Variants in IFNAR2 observed in about 807,000 individuals in gnomAD.
IFNAR2 encodes the protein interferon alpha and beta receptor subunit 2, also known as interferon alpha/beta receptor 2.
IFNAR2 carries 30 observed loss-of-function variants against 49.4 expected under a neutral mutation model. The ratio of observed to expected loss-of-function variants is 0.61; its 90% CI spans 0.45 to 0.82. The LOEUF (loss-of-function observed/expected upper bound fraction) is 0.82, where lower values mean the gene tolerates loss of function less well. Ranked by LOEUF, IFNAR2 falls within the 40% of genes least tolerant of loss-of-function variation. The pLI is 0.00. For missense variants in IFNAR2, 600 were observed against 622.7 expected, an observed-to-expected ratio of 0.96 and a Z score of 0.39; for synonymous variants, 224 against 234.5, an observed-to-expected ratio of 0.96 and a Z score of 0.41.
Position 33,252,681 on chromosome 21 carries a change from G to C in IFNAR2, c.560G>C (p.Gly187Ala). Reference protein sequence around the residue: ...IVKKHKPEIKGNMSGNFTYII... With the variant: ...IVKKHKPEIKANMSGNFTYII... ...TTACAGCATAAACCCGAAATAAAAG[G>C]AAACATGAGTGGAAATTTCACCTAT... Residue 187 changes from glycine (G) to alanine (A), a missense_variant, in exon 7 of 9, where the codon GGA becomes GCA. Physicochemically the swap from Gly to Ala is moderately conservative, Grantham distance 60. Coordinates refer to ENST00000342136, the MANE Select transcript of IFNAR2 (RefSeq NM_001289125.3). The C allele has an allele frequency of 6.2e-7, 1 of 1,613,276 alleles. No individual in the cohort carries two copies. Among genetic ancestry groups the C allele is most frequent in the Non-Finnish European group, 8.5e-7 (1 of 1,179,746 alleles).
chr21:33,236,421 A>G (rs1226337732), intron 1 of IFNAR2, among the ~76,000 whole-genome samples: 1 of 152,142 alleles, frequency 6.6e-6, no homozygotes, highest in Non-Finnish European at 1.5e-5. Context: ...GGCCACGTCC[A>G]AGGGTCTTTA....
chr21:33,255,597 A>AG (rs11400322), intron 7 of IFNAR2, among the ~76,000 whole-genome samples: 152,315 of 152,342 alleles, frequency 1, 76,144 homozygotes, highest in Middle Eastern at 1. Flanking sequence ...CTGGGGAGTC[A>AG]GGTGTACCAC....
chr21:33,242,475 G>C lies in IFNAR2; in HGVS notation c.55+498G>C, dbSNP rs567931350. ...TGTCCGGGCGCGGTGGCTCGCGCCT[G>C]TAATCCCTGCACTTTGGGAGGCCGA... On this transcript the variant is annotated intron_variant, in intron 2 of 8. Transcript: ENST00000342136. Among the ~76,000 whole-genome samples the C allele has an allele frequency of 1.2e-3, 188 of 152,154 alleles. 2 individuals are homozygous for C. Among genetic ancestry groups the C allele is most frequent in the African/African-American group, 4.3e-3 (180 of 41,500 alleles).
At chr21:33,239,413 C>A (rs549136278) in intron 1 of IFNAR2, among the ~76,000 whole-genome samples, 14 of 152,324 alleles carry the variant, frequency 9.2e-5, no homozygotes, top group African/African-American at 2.6e-4. Context: ...ATGTTGGCTT[C>A]TCTTCCCCCT....
At chr21:33,254,008 G>GGAGTT (rs1166393528) in intron 7 of IFNAR2, among the ~76,000 whole-genome samples, 1 of 151,634 alleles carries the variant, frequency 6.6e-6, no homozygotes, top group Non-Finnish European at 1.5e-5. Context: ...AGCTCAAGAT[G>GGAGTT]GAGTTGCTCT....
intron 5 of IFNAR2, 30 bp downstream of exon 5, chr21:33,246,920 TC>T: frequency 6.4e-7 from 1 of 1,568,668 alleles, no homozygotes; most frequent in Non-Finnish European, 8.8e-7. Context: ...CTCCACTTCG[TC>T]CCCATCATCA....
At chr21:33,254,473 A>G (rs556089088) in intron 7 of IFNAR2, among the ~76,000 whole-genome samples, 2 of 152,318 alleles carry the variant, frequency 1.3e-5, no homozygotes, top group African/African-American at 4.8e-5. Context: ...CTTTCTATAA[A>G]GAACCCCCTT....
At chr21:33,245,217 T>C in intron 4 of IFNAR2, 143 bp downstream of exon 4, 1 of 622,784 alleles carries the variant, frequency 1.6e-6, no homozygotes, top group Non-Finnish European at 2.8e-6. Flanking sequence ...ATTCAGAGCC[T>C]TAAAAAGCCA....
In IFNAR2 at chr21:33,230,715, GC is replaced by G. The variant is rs1985994268; in HGVS notation, c.-84+500del. ...TCGACCTGCGTCAGGGTCACAGACT[GC>G]AGCCGGGGCTGGAGCGGCCTACACC... On this transcript the variant is annotated intron_variant, in intron 1 of 8. Coordinates refer to ENST00000342136, the MANE Select transcript of IFNAR2 (RefSeq NM_001289125.3). The surrounding 1 kb of genome is among the most constrained non-coding windows in gnomAD (Gnocchi z 5.5). Among the ~76,000 whole-genome samples the G allele has an allele frequency of 6.6e-6, 1 of 152,172 alleles. No individual in the cohort carries two copies. Among genetic ancestry groups the G allele is most frequent in the Non-Finnish European group, 1.5e-5 (1 of 68,022 alleles).
chr21:33,240,963 T>A (rs1456150098), intron 1 of IFNAR2, among the ~76,000 whole-genome samples: 2 of 152,312 alleles, frequency 1.3e-5, no homozygotes, highest in East Asian at 3.9e-4. Context: ...CATGTTCTTA[T>A]AAGTGGGAGC....
At chr21:33,234,183 CTGTGTGTGTGTGTGTG>C (rs61686449) in intron 1 of IFNAR2, among the ~76,000 whole-genome samples, 9 of 140,798 alleles carry the variant, frequency 6.4e-5, no homozygotes, top group South Asian at 2.4e-4. Flanking sequence ...AACAGAAACA[CTGTGTGTGTGTGTGTG>C]TGTGTGTGTG....
At chr21:33,240,155 A>G (rs1424582639) in intron 1 of IFNAR2, among the ~76,000 whole-genome samples, 1 of 152,222 alleles carries the variant, frequency 6.6e-6, no homozygotes, top group African/African-American at 2.4e-5. Context: ...ACATTTGTAA[A>G]TATAGTCCTG....
At chr21:33,234,094 T>A (rs1470794506) in intron 1 of IFNAR2, among the ~76,000 whole-genome samples, 5 of 152,134 alleles carry the variant, frequency 3.3e-5, no homozygotes, top group African/African-American at 1.2e-4. Context: ...CATAGGAAAT[T>A]ATACTTTCTT....
chr21:33,253,042 C>G (rs960770965), intron 7 of IFNAR2, among the ~76,000 whole-genome samples: 1 of 152,152 alleles, frequency 6.6e-6, no homozygotes, highest in Non-Finnish European at 1.5e-5. Context: ...TCAGATACTA[C>G]TCGATGAGAT....
chr21:33,234,823 C>T (rs890895249), intron 1 of IFNAR2: 13 of 827,042 alleles, frequency 1.6e-5, no homozygotes, highest in Non-Finnish European at 1.9e-5. Flanking sequence ...AAAGAGCAAG[C>T]TGACAGAATT....
chr21:33,246,246 A>C (rs531932042), intron 4 of IFNAR2, among the ~76,000 whole-genome samples: 1 of 151,860 alleles, frequency 6.6e-6, no homozygotes, highest in Non-Finnish European at 1.5e-5. Flanking sequence ...AATTTTTTGT[A>C]TTTTTAGTAG....
At chr21:33,244,304 T>C (rs1438471593) in intron 3 of IFNAR2, among the ~76,000 whole-genome samples, 1 of 152,230 alleles carries the variant, frequency 6.6e-6, no homozygotes, top group Non-Finnish European at 1.5e-5. Flanking sequence ...ATGTCTCATT[T>C]ATCACTGCCA....
intron 1 of IFNAR2, among the ~76,000 whole-genome samples, chr21:33,235,360 GGT>G (rs1986369279): frequency 6.6e-6 from 1 of 152,142 alleles, no homozygotes; most frequent in Non-Finnish European, 1.5e-5. Flanking sequence ...AAGAGCAGGG[GGT>G]GACCTGTCAC....
Position 33,260,593 on chromosome 21 carries a change from A to G in IFNAR2, c.710-4A>G, listed in dbSNP as rs1988497752. 2 of 1,577,148 alleles carry G rather than the reference A, an allele frequency of 1.3e-6. No homozygotes were observed. The highest frequency in any genetic ancestry group is 1.7e-6 in the Non-Finnish European group (2 of 1,169,068). ...AATAAAGTCATTTAATTTTTCATCA[A>G]CAGAATCAGCAGAATCTGCCAAAAT... On this transcript the variant is annotated splice_region_variant and splice_polypyrimidine_tract_variant and intron_variant, in intron 7 of 8. Transcript: ENST00000342136.
Sources: allele counts gnomAD v4.1 joint callset (sites outside exome capture counted in the v4.1 genomes callset), GRCh38; gene constraint gnomAD v4.1.1; non-coding constraint Gnocchi (gnomAD v3.1); transcripts MANE v1.5; gene names NCBI Gene and HGNC (gene_info 2026-07-23, HGNC 2026-07-21).